Variants in DLG1 observed in about 807,000 individuals in gnomAD.
DLG1 encodes disks large homolog 1.
A neutral mutation model predicts 123.4 loss-of-function variants in DLG1; 42 were observed. That is an observed-to-expected ratio of 0.34 (90% CI 0.27 to 0.44). The LOEUF is 0.44. Among genes scored for constraint, DLG1 ranks in the 20% least tolerant of loss-of-function variants. The pLI is 1.00. For synonymous variants in DLG1, 317 were observed against 356.2 expected, an observed-to-expected ratio of 0.89 and a Z score of 1.24; for missense variants, 942 against 1,082.6, an observed-to-expected ratio of 0.87 and a Z score of 1.82.
chr3:197,261,936 A>C (rs1250336531), intron 4 of DLG1, among the ~76,000 whole-genome samples: 1 of 152,220 alleles, frequency 6.6e-6, no homozygotes, highest in Non-Finnish European at 1.5e-5. Context: ...TAGTGGCAAT[A>C]AATAGTGCAA....
At chr3:197,288,521 AGACCAACCT>A (rs1358525261) in intron 3 of DLG1, among the ~76,000 whole-genome samples, 1 of 151,164 alleles carries the variant, frequency 6.6e-6, no homozygotes, top group Admixed American at 6.6e-5. Context: ...CAGGAGTTCG[AGACCAACCT>A]GACCAACATG....
At chr3:197,174,586 A>G (rs1469832781) in intron 5 of DLG1, among the ~76,000 whole-genome samples, 2 of 152,188 alleles carry the variant, frequency 1.3e-5, no homozygotes, top group East Asian at 1.9e-4. Flanking sequence ...GTTTGGCTAA[A>G]GCAATTAATT....
chr3:197,106,967 T>C (rs773818970), intron 13 of DLG1, among the ~76,000 whole-genome samples: 6 of 152,148 alleles, frequency 3.9e-5, no homozygotes, highest in East Asian at 1.9e-4. Context: ...ACCACCTAAT[T>C]CCAAAATATT....
chr3:197,260,116 T>C (rs1458787885), intron 4 of DLG1: 5 of 254,504 alleles, frequency 2.0e-5, no homozygotes, highest in Non-Finnish European at 4.0e-5. Flanking sequence ...TTCTAAAGGA[T>C]ATAAACTAAG....
At chr3:197,052,658 T>G (rs1728722389) in intron 23 of DLG1, among the ~76,000 whole-genome samples, 1 of 152,202 alleles carries the variant, frequency 6.6e-6, no homozygotes, top group Non-Finnish European at 1.5e-5. Context: ...CTTAGAGATC[T>G]ACCTATCAGT....
chr3:197,080,347 T>C lies in DLG1; in HGVS notation c.1905+704A>G, dbSNP rs1342541947. ...AGGCTGGAGAGCAGTGGCATGATCATGGCTCACTACTGCCTGGACCTCCTG... is the reference window on the plus strand; with the variant it reads ...AGGCTGGAGAGCAGTGGCATGATCACGGCTCACTACTGCCTGGACCTCCTG... On this transcript the variant is annotated intron_variant, in intron 17 of 24. Coordinates refer to ENST00000667157, the MANE Select transcript of DLG1 (RefSeq NM_001366207.1). 2.3e-5 allele frequency: 3 copies of C among 132,380 alleles called. No homozygotes were observed. The East Asian group carries it at 7.4e-4, about 33-fold the overall frequency. The allele number at this position is 132,380 out of a possible 1,614,324, so 8.2% of individuals were successfully genotyped here. A position where few individuals can be genotyped will look rare whatever the true frequency, so the allele number is the denominator to read the frequency against.
At chr3:197,243,670 C>A (rs1750130772) in intron 4 of DLG1, among the ~76,000 whole-genome samples, 1 of 151,936 alleles carries the variant, frequency 6.6e-6, no homozygotes, top group South Asian at 2.1e-4. Flanking sequence ...GCTAGTAGGC[C>A]CTAATTGTTG....
chr3:197,218,678 A>C (rs1735294610), intron 4 of DLG1, among the ~76,000 whole-genome samples: 1 of 152,238 alleles, frequency 6.6e-6, no homozygotes, highest in Non-Finnish European at 1.5e-5. Flanking sequence ...ATATTCAAAA[A>C]ATCAGTAATT....
At chr3:197,165,398 C>A (rs1201487559) in intron 5 of DLG1, among the ~76,000 whole-genome samples, 2 of 152,090 alleles carry the variant, frequency 1.3e-5, no homozygotes, top group African/African-American at 4.8e-5. Context: ...TTTCAATGTT[C>A]CCAGTCTGGG....
At chr3:197,095,563 T>A (rs1050334934) in intron 14 of DLG1, among the ~76,000 whole-genome samples, 1 of 152,208 alleles carries the variant, frequency 6.6e-6, no homozygotes, top group Non-Finnish European at 1.5e-5. Flanking sequence ...AAATGTTATG[T>A]TCTACCCAAT....
At chr3:197,290,590 C>T (rs1477076874) in intron 3 of DLG1, among the ~76,000 whole-genome samples, 2 of 151,986 alleles carry the variant, frequency 1.3e-5, no homozygotes, top group Non-Finnish European at 2.9e-5. Flanking sequence ...TCAGACAAAC[C>T]CAAAATGAGA....
intron 16 of DLG1, among the ~76,000 whole-genome samples, chr3:197,082,573 A>G (rs1018988800): frequency 2.6e-5 from 4 of 152,136 alleles, no homozygotes; most frequent in Non-Finnish European, 5.9e-5. Context: ...AGCAACTTAA[A>G]TTGTCTATAT....
At chr3:197,229,038 T>C (rs1741442220) in intron 4 of DLG1, among the ~76,000 whole-genome samples, 1 of 152,152 alleles carries the variant, frequency 6.6e-6, no homozygotes, top group African/African-American at 2.4e-5. Context: ...CACCTGGCAA[T>C]GTCTGCTGCC....
chr3:197,110,508 G>A (rs1272039996), intron 13 of DLG1, among the ~76,000 whole-genome samples: 2 of 152,106 alleles, frequency 1.3e-5, no homozygotes, highest in South Asian at 2.1e-4. Context: ...ACCTTCCCTA[G>A]GAACGATATC....
At chr3:197,149,029 C>A (rs190479071) in intron 6 of DLG1, among the ~76,000 whole-genome samples, 13 of 152,246 alleles carry the variant, frequency 8.5e-5, no homozygotes, top group South Asian at 6.2e-4. Flanking sequence ...CCTTTTTCTA[C>A]TTTTTTACCT....
At chr3:197,197,586 T>C (rs945582766) in intron 4 of DLG1, among the ~76,000 whole-genome samples, 1 of 152,218 alleles carries the variant, frequency 6.6e-6, no homozygotes, top group Non-Finnish European at 1.5e-5. Flanking sequence ...TATACAGCAT[T>C]CAATGCAATC....
rs933691740 is a variant in DLG1, at chr3:197,043,574, AATATAT to A, written c.*1043_*1048del. The A allele has an allele frequency of 6.6e-6, 1 of 151,500 alleles. No homozygotes were observed. The highest frequency in any genetic ancestry group is 1.5e-5 in the Non-Finnish European group (1 of 67,870). 9.4% of individuals were successfully genotyped at this position (151,500 alleles called of 1,614,324 possible). On this transcript the variant is annotated 3_prime_UTR_variant, in exon 25 of 25. Coordinates refer to ENST00000667157, the MANE Select transcript of DLG1 (RefSeq NM_001366207.1). ...GGCAAAAGAAACAAAATATATTTTA[AATATAT>A]ATATATGTTTGTGTGTGTGCGCAAC...
chr3:197,116,093 A>T lies in DLG1; in HGVS notation c.1287-10T>A. On this transcript the variant is annotated splice_polypyrimidine_tract_variant and intron_variant, in intron 12 of 24. Transcript: ENST00000667157. ...AACTTTTCTAGGTTCCCTAAAAATT[A>T]AAAAAAATTGAGTATCTTGGAAATT... 1 of 1,579,460 alleles carries T rather than the reference A, an allele frequency of 6.3e-7. No homozygotes were observed. The highest frequency in any genetic ancestry group is 1.2e-5 in the South Asian group (1 of 84,306).
chr3:197,290,471 G>A (rs527330011), intron 3 of DLG1, among the ~76,000 whole-genome samples: 1 of 152,022 alleles, frequency 6.6e-6, no homozygotes, highest in Non-Finnish European at 1.5e-5. Context: ...CACCCAACTA[G>A]GTAATCAAAA....
Sources: gnomAD v4.1 joint callset for allele counts (sites outside exome capture counted in the v4.1 genomes callset) on GRCh38, gnomAD v4.1.1 for gene constraint, MANE v1.5 for transcripts, NCBI Gene and HGNC (gene_info 2026-07-23, HGNC 2026-07-21) for gene names.